The following MDN1 variants were observed in gnomAD, a reference collection of about 807,000 sequenced individuals.
MDN1 encodes the protein midasin AAA ATPase 1.
In MDN1, 266 loss-of-function variants were observed where a neutral mutation model predicts 669.2. That is an observed-to-expected ratio of 0.40 (90% CI 0.36 to 0.44). The LOEUF is 0.44. Ranked by LOEUF, MDN1 falls within the 20% of genes least tolerant of loss-of-function variation. The pLI is 1.00. For missense variants in MDN1, 5,940 were observed against 6,754.0 expected (o/e 0.88, Z 4.22); for synonymous variants, 2,385 against 2,457.1 (o/e 0.97, Z 0.87).
intron 40 of MDN1, 36 bp downstream of exon 40, chr6:89,722,919 A>G: frequency 6.4e-7 from 1 of 1,556,014 alleles, no homozygotes; most frequent in South Asian, 1.2e-5. Context: ...CAACTTTCAG[A>G]TGGAAAGAAA....
Position 89,725,272 on chromosome 6 carries a change from C to A in MDN1, c.5597G>T (p.Gly1866Val), listed in dbSNP as rs755664971. ...TCCTTGTCTAAAGGGATTCTGACAC[C>A]CAAAAATCTTCGTCTTTTCATGCTG... ...QVQHEKTKIFGCQNPFRQGGG... is the reference protein window; with the variant it reads ...QVQHEKTKIFVCQNPFRQGGG... Residue 1866 changes from glycine to valine, a missense_variant, in exon 38 of 102, where the codon GGG (glycine) becomes GTG (valine). Coordinates refer to ENST00000369393, the MANE Select transcript of MDN1 (RefSeq NM_014611.3). 1 of 1,613,834 alleles carries A rather than the reference C, an allele frequency of 6.2e-7. No individual in the cohort carries two copies. The highest frequency in any genetic ancestry group is 8.5e-7 in the Non-Finnish European group (1 of 1,179,986).
At chr6:89,648,841 G>A (rs1030540565) in intron 97 of MDN1, among the ~76,000 whole-genome samples, 7 of 148,830 alleles carry the variant, frequency 4.7e-5, no homozygotes, top group South Asian at 4.3e-4. Flanking sequence ...CAATTTAGCC[G>A]GGCATGGTGA....
chr6:89,645,728 T>G (rs912991199), intron 100 of MDN1, among the ~76,000 whole-genome samples: 1 of 152,168 alleles, frequency 6.6e-6, no homozygotes, highest in African/African-American at 2.4e-5. Flanking sequence ...GTTTTAAAAT[T>G]TTTGCTACAT....
intron 65 of MDN1, 52 bp from the exon 66 acceptor site, chr6:89,688,860 C>A: frequency 1.4e-6 from 2 of 1,459,122 alleles, no homozygotes; most frequent in South Asian, 1.2e-5. Flanking sequence ...GTTGATCTAT[C>A]AACATGTCAA....
intron 1 of MDN1, among the ~76,000 whole-genome samples, chr6:89,816,290 CT>C (rs1768823575): frequency 1.3e-5 from 2 of 152,112 alleles, no homozygotes; most frequent in Middle Eastern, 3.4e-3. Context: ...ATCCCGGCTA[CT>C]CGAGAGGCTG....
At chr6:89,661,351 G>C in intron 88 of MDN1, 80 bp downstream of exon 88, 2 of 1,497,102 alleles carry the variant, frequency 1.3e-6, no homozygotes, top group Non-Finnish European at 1.8e-6. Flanking sequence ...CCATGACACT[G>C]AGCTAGCTTT....
rs1275519466 is a variant in MDN1 at position 89,749,318 on chromosome 6, A to G, written c.3667T>C (p.Leu1223=). 17 of 1,614,014 alleles carry G rather than the reference A, an allele frequency of 1.1e-5. No individual in the cohort carries two copies. The highest frequency in any genetic ancestry group is 1.4e-5 in the Non-Finnish European group (17 of 1,180,014). The change falls in exon 26 of 102, where the codon TTA becomes CTA. Residue 1223 remains leucine (L), a synonymous_variant. Transcript: ENST00000369393. ...ATTGTTTCCAACTCGGAGCTAGGTA[A>G]CTCATCAAAGTGCAATTCCACAAAC... ...NRFVELHFDE[L]PSSELETILH... is the part of the protein sequence containing the mutation.
intron 62 of MDN1, 53 bp from the exon 63 acceptor site, chr6:89,693,201 T>C: frequency 7.6e-7 from 1 of 1,314,380 alleles, no homozygotes; most frequent in Non-Finnish European, 1.0e-6. Context: ...GAGCAGCAAA[T>C]CTAGATTGGA....
Position 89,677,631 on chromosome 6 carries a change from G to A in MDN1, c.12478C>T (p.His4160Tyr), listed in dbSNP as rs1811295929. Reference sequence around the variant, plus strand: ...AATGCGCTCTGGAGATCTAATGGGTGAAGATGAAGCATCTCTTGAGGGTTT... The same window carrying A: ...AATGCGCTCTGGAGATCTAATGGGTAAAGATGAAGCATCTCTTGAGGGTTT... ...SKNPQEMLHL[H>Y]PLDLQSALSI... Residue 4160 changes from histidine to tyrosine, a missense_variant, in exon 76 of 102, where the codon CAC becomes TAC. Around this residue, in one of 5 missense-constraint regions of MDN1, gnomAD observed 2,280 missense variants for 2,576.3 expected, o/e 0.88. Transcript: ENST00000369393. 1 of 1,614,074 alleles carries A rather than the reference G, an allele frequency of 6.2e-7. No homozygotes were observed. The highest frequency in any genetic ancestry group is 1.3e-5 in the African/African-American group (1 of 74,920).
In MDN1 at chr6:89,690,122, G is replaced by A. The variant is rs753151297; in HGVS notation, c.10771C>T (p.Gln3591Ter). Residue 3591 changes from glutamine (Q) to a stop codon, truncating the protein, a stop_gained, in exon 65 of 102, where the codon CAG (glutamine) becomes TAG (stop). Transcript: ENST00000369393. LOFTEE classifies it high-confidence loss of function. ...HEKDFADILV[Q>*]PTLEENKGTS... ...CCTTTGTTCTCCTCCAACGTTGGCT[G>A]CACCAAAATATCTGCAAAGTCCTAT... is the stretch of plus-strand genomic sequence containing the variant. 6.2e-7 allele frequency: 1 copy of A among 1,614,028 alleles called. No homozygotes were observed. Among genetic ancestry groups the A allele is most frequent in the Non-Finnish European group, 8.5e-7 (1 of 1,180,002 alleles).
At position 89,690,801 on chromosome 6, in the gene MDN1, T is replaced by C. The variant is rs373448752; in HGVS notation, c.10621A>G (p.Ile3541Val). The C allele has an allele frequency of 3.8e-5, 61 of 1,614,052 alleles. No individual in the cohort carries two copies. Among genetic ancestry groups the C allele is most frequent in the Non-Finnish European group, 5.0e-5 (59 of 1,180,016 alleles). Residue 3541 changes from isoleucine to valine, a missense_variant, in exon 64 of 102, where the codon ATA becomes GTA. Around this residue, in one of 5 missense-constraint regions of MDN1, gnomAD observed 2,280 missense variants for 2,576.3 expected, o/e 0.88. Coordinates refer to ENST00000369393, the MANE Select transcript of MDN1 (RefSeq NM_014611.3). ...TCCTGCTCAGCCTTCTCTTGGGCTA[T>C]GCGTTCCTGCTCATCCCACTCACTG... is the stretch of plus-strand genomic sequence containing the variant. The part of the protein sequence containing the change: ...IISEWDEQER[I>V]AQEKAEQESG...
chr6:89,730,828 C>T lies in MDN1; in HGVS notation c.5038G>A (p.Glu1680Lys). Residue 1680 changes from glutamate (E) to lysine (K), a missense_variant, in exon 35 of 102, where the codon GAA (glutamate) becomes AAA (lysine). Glu to Lys is a moderately conservative substitution (Grantham distance 56, BLOSUM62 1). Coordinates refer to ENST00000369393, the MANE Select transcript of MDN1 (RefSeq NM_014611.3). The stretch of plus-strand genomic sequence containing the variant: ...ATCTTCAACTCATTTTTCTGATATT[C>T]TGTAAGTCGTACTATCTTGGCAAGC... Reference protein sequence around the residue: ...KRLAKIVRLTEYQKNELKIYD... With the variant: ...KRLAKIVRLTKYQKNELKIYD... The T allele has an allele frequency of 6.2e-7, 1 of 1,614,032 alleles. No individual in the cohort carries two copies. Among genetic ancestry groups the T allele is most frequent in the Non-Finnish European group, 8.5e-7 (1 of 1,179,966 alleles).
At chr6:89,711,946 T>G in intron 49 of MDN1, 90 bp downstream of exon 49, 1 of 1,164,482 alleles carries the variant, frequency 8.6e-7, no homozygotes, top group South Asian at 1.5e-5. Context: ...TTTAACAGTG[T>G]AGTCACAGAT....
At chr6:89,682,708 A>C (rs1811710665) in intron 73 of MDN1, among the ~76,000 whole-genome samples, 1 of 147,850 alleles carries the variant, frequency 6.8e-6, no homozygotes, top group Non-Finnish European at 1.5e-5. Flanking sequence ...TTAAAAAAAA[A>C]AAAAAAAAAA....
chr6:89,701,509 A>G (rs1406836986), intron 55 of MDN1, 49 bp downstream of exon 55: 3 of 1,603,510 alleles, frequency 1.9e-6, no homozygotes, highest in Non-Finnish European at 2.6e-6. Flanking sequence ...AAAGGACTTC[A>G]GAAGTAGTAG....
At chr6:89,756,920 C>CAA (rs1003724888) in intron 19 of MDN1, among the ~76,000 whole-genome samples, 2 of 104,730 alleles carry the variant, frequency 1.9e-5, no homozygotes, top group African/African-American at 3.6e-5. Flanking sequence ...GACTCCATCT[C>CAA]AAAAAAAAAA....
intron 88 of MDN1, 64 bp from the exon 89 acceptor site, chr6:89,658,981 G>A: frequency 6.9e-7 from 1 of 1,452,486 alleles, no homozygotes; most frequent in Non-Finnish European, 9.3e-7. Context: ...TTCTTAAGCT[G>A]GGAGCTACTT....
chr6:89,735,880 C>T (rs1427295687), intron 33 of MDN1, among the ~76,000 whole-genome samples: 1 of 152,020 alleles, frequency 6.6e-6, no homozygotes, highest in South Asian at 2.1e-4. Context: ...ATTAGCTGGG[C>T]GTTGTGGCAC....
At chr6:89,658,045 G>A (rs1031739701) in intron 90 of MDN1, among the ~76,000 whole-genome samples, 164 bp downstream of exon 90, 8 of 152,186 alleles carry the variant, frequency 5.3e-5, no homozygotes, top group African/African-American at 1.9e-4. Context: ...GTTCAGTCAC[G>A]CGTTGCTTAA....
Sources: gnomAD v4.1 joint callset for allele counts (sites outside exome capture counted in the v4.1 genomes callset) on GRCh38, gnomAD v4.1.1 for gene constraint, gnomAD v4.1.1 regional missense constraint, MANE v1.5 for transcripts, NCBI Gene and HGNC (gene_info 2026-07-23, HGNC 2026-07-21) for gene names.